FHIT: variants seen among roughly 807,000 people sequenced by gnomAD.
The protein encoded by FHIT is bis(5'-adenosyl)-triphosphatase.
Under a neutral mutation model 17.9 loss-of-function variants are expected in FHIT, and 19 were observed. The observed-to-expected ratio is 1.06, with a 90% CI of 0.74 to 1.56. The LOEUF (loss-of-function observed/expected upper bound fraction) is 1.56. Ranked by LOEUF, FHIT falls within the 40% of genes most tolerant of loss-of-function variation. The pLI, the probability that FHIT is intolerant of heterozygous loss-of-function variation, is 0.00. For missense variants in FHIT, 248 were observed against 189.2 expected (o/e 1.31, Z -1.82); for synonymous variants, 81 against 69.7 (o/e 1.16, Z -0.81).
intron 3 of FHIT, among the ~76,000 whole-genome samples, chr3:60,969,655 C>T (rs1385221716): frequency 6.6e-6 from 1 of 152,088 alleles, no homozygotes; most frequent in African/African-American, 2.4e-5. Flanking sequence ...CATTTTATTA[C>T]TGATTTCCAC....
At position 61,222,070 on chromosome 3, in the gene FHIT, G is replaced by A. The variant is rs188892073; in HGVS notation, c.-212-21405C>T. 1.1e-4 allele frequency among the ~76,000 whole-genome samples: 16 copies of A among 152,356 alleles called. No homozygotes were observed. In the East Asian group the frequency reaches 3.1e-3, roughly 29 times the overall value. On this transcript the variant is annotated intron_variant, in intron 1 of 9. Coordinates refer to ENST00000492590, the MANE Select transcript of FHIT (RefSeq NM_002012.4). ...GCCCAGCAACGTCACTGCGGAGAGG[G>A]AGTCTGGTTGTGCCCTCCTCTGAAC...
chr3:60,474,475 G>C (rs1238368909), intron 5 of FHIT, among the ~76,000 whole-genome samples: 1 of 152,124 alleles, frequency 6.6e-6, no homozygotes, highest in Non-Finnish European at 1.5e-5. Context: ...TAGTTTTGGA[G>C]TGTTCTAGAA....
chr3:60,569,308 A>G (rs1206278042), intron 4 of FHIT, among the ~76,000 whole-genome samples: 2 of 152,098 alleles, frequency 1.3e-5, no homozygotes, highest in Non-Finnish European at 2.9e-5. Flanking sequence ...CTGGCCACCA[A>G]AGGACACTGG....
intron 7 of FHIT, among the ~76,000 whole-genome samples, chr3:59,969,196 C>T (rs970343906): frequency 1.3e-5 from 2 of 152,136 alleles, no homozygotes. Flanking sequence ...AGCTGTTCTA[C>T]GCATATTTAC....
At chr3:60,994,899 C>T (rs771894563) in intron 3 of FHIT, among the ~76,000 whole-genome samples, 2 of 152,226 alleles carry the variant, frequency 1.3e-5, no homozygotes, top group Non-Finnish European at 2.9e-5. Flanking sequence ...AATAATGGTA[C>T]AGTGTTGCCA....
intron 3 of FHIT, among the ~76,000 whole-genome samples, chr3:60,957,881 G>C (rs1287912977): frequency 2.0e-5 from 3 of 152,056 alleles, no homozygotes; most frequent in Non-Finnish European, 4.4e-5. Flanking sequence ...CACAGATACT[G>C]TCTAATCCTC....
At chr3:60,204,219 G>A (rs895831742) in intron 5 of FHIT, among the ~76,000 whole-genome samples, 4 of 151,926 alleles carry the variant, frequency 2.6e-5, no homozygotes, top group African/African-American at 7.3e-5. Context: ...CTATGTACCC[G>A]TGAAAATGAG....
chr3:61,054,850 C>A (rs1321307684), intron 2 of FHIT, among the ~76,000 whole-genome samples: 1 of 152,152 alleles, frequency 6.6e-6, no homozygotes, highest in Non-Finnish European at 1.5e-5. Flanking sequence ...CTTTCACACC[C>A]TATACCCCTG....
chr3:60,146,950 A>G (rs1700268975), intron 5 of FHIT, among the ~76,000 whole-genome samples: 1 of 152,216 alleles, frequency 6.6e-6, no homozygotes. Context: ...GTGAAGATAT[A>G]TAATTGCTGC....
intron 5 of FHIT, among the ~76,000 whole-genome samples, chr3:60,155,356 C>A (rs1216060200): frequency 2.0e-5 from 3 of 152,138 alleles, no homozygotes; most frequent in African/African-American, 4.8e-5. Context: ...GATCCTGAAC[C>A]AAACACAGCA....
At chr3:61,207,431 T>C (rs1433312543) in intron 1 of FHIT, among the ~76,000 whole-genome samples, 10 of 152,220 alleles carry the variant, frequency 6.6e-5, no homozygotes, top group Admixed American at 5.9e-4. Flanking sequence ...AGAATTCAGC[T>C]GTGAATCCAT....
rs545416185 is a variant in FHIT, at chr3:60,118,495, T to A, written c.104-104343A>T. Among the ~76,000 whole-genome samples the A allele has an allele frequency of 3.3e-5, 5 of 152,090 alleles. 1 individual carries two copies. Among genetic ancestry groups the A allele is most frequent in the African/African-American group, 7.2e-5 (3 of 41,506 alleles). On this transcript the variant is annotated intron_variant, in intron 5 of 9. Transcript: ENST00000492590. ...TTATTTTAATCTGAATGATGGAATA[T>A]GTCAAGGGGTGACTGACAGTAGGGA...
intron 4 of FHIT, among the ~76,000 whole-genome samples, chr3:60,689,252 C>T (rs782777525): frequency 2.0e-5 from 3 of 152,082 alleles, no homozygotes; most frequent in Non-Finnish European, 2.9e-5. Flanking sequence ...GTCAAATAAA[C>T]GTCTTTGTTT....
At chr3:59,987,135 T>C (rs957127086) in intron 7 of FHIT, among the ~76,000 whole-genome samples, 1 of 144,300 alleles carries the variant, frequency 6.9e-6, no homozygotes, top group Non-Finnish European at 1.5e-5. Flanking sequence ...ATATAAAATA[T>C]ATAATTATAT....
At chr3:60,309,534 C>G (rs913410044) in intron 5 of FHIT, among the ~76,000 whole-genome samples, 1 of 152,126 alleles carries the variant, frequency 6.6e-6, no homozygotes, top group African/African-American at 2.4e-5. Context: ...AGTGGTGTGA[C>G]AGAGGACTTT....
intron 5 of FHIT, among the ~76,000 whole-genome samples, chr3:60,016,039 G>A (rs148851252): frequency 6.6e-6 from 1 of 152,186 alleles, no homozygotes; most frequent in East Asian, 1.9e-4. Flanking sequence ...ATTTAATTTG[G>A]AGCCTCTTAG....
intron 8 of FHIT, among the ~76,000 whole-genome samples, chr3:59,821,116 A>G (rs1218949357): frequency 6.6e-6 from 1 of 152,180 alleles, no homozygotes; most frequent in Non-Finnish European, 1.5e-5. Flanking sequence ...GAGCGCCACC[A>G]TCTTGGAGAT....
intron 5 of FHIT, among the ~76,000 whole-genome samples, chr3:60,044,676 A>C (rs11711227): frequency 0.42 from 64,630 of 152,108 alleles, 14,570 homozygotes; most frequent in Middle Eastern, 0.71. Context: ...TCACAATTAA[A>C]TAAATGATGA....
intron 3 of FHIT, among the ~76,000 whole-genome samples, chr3:60,834,270 G>A (rs1486809525): frequency 1.3e-5 from 2 of 152,132 alleles, no homozygotes; most frequent in East Asian, 3.9e-4. Context: ...AGAATTTGTT[G>A]TTATCATTAT....
Sources: allele counts gnomAD v4.1 joint callset (sites outside exome capture counted in the v4.1 genomes callset), GRCh38; gene constraint gnomAD v4.1.1; transcripts MANE v1.5; gene names NCBI Gene and HGNC (gene_info 2026-07-23, HGNC 2026-07-21).